SLC35F3: variants seen among roughly 807,000 people sequenced by gnomAD.
SLC35F3 encodes the protein putative thiamine transporter SLC35F3.
A neutral mutation model predicts 49.9 loss-of-function variants in SLC35F3; 25 were observed. That is an observed-to-expected ratio of 0.50 (90% CI 0.37 to 0.70). SLC35F3 has a LOEUF of 0.70. SLC35F3 is among the 30% of genes least tolerant of loss of function. SLC35F3 has a pLI of 0.00. For missense variants in SLC35F3, 525 were observed against 639.8 expected (o/e 0.82, Z 1.94); for synonymous variants, 275 against 265.4 (o/e 1.04, Z -0.35).
chr1:234,058,614 G>T (rs189035653), intron 2 of SLC35F3, among the ~76,000 whole-genome samples: 67 of 152,132 alleles, frequency 4.4e-4, no homozygotes, highest in Admixed American at 4.4e-3. Context: ...CAAAGTGTTG[G>T]GATAACAGGC....
chr1:234,124,904 G>A (rs1022371573), intron 2 of SLC35F3, among the ~76,000 whole-genome samples: 3 of 152,192 alleles, frequency 2.0e-5, no homozygotes, highest in Non-Finnish European at 4.4e-5. Flanking sequence ...TGGAGACTCT[G>A]TGTCTATGTG....
At chr1:233,955,385 C>T (rs561680951) in intron 2 of SLC35F3, among the ~76,000 whole-genome samples, 4 of 152,250 alleles carry the variant, frequency 2.6e-5, no homozygotes, top group South Asian at 2.1e-4. Flanking sequence ...AGCGTATGCC[C>T]CAATCTGGTG....
intron 2 of SLC35F3, among the ~76,000 whole-genome samples, chr1:234,170,868 A>C (rs532203433): frequency 1.3e-3 from 193 of 152,202 alleles, no homozygotes; most frequent in African/African-American, 4.4e-3. Context: ...TGCCGTGGGG[A>C]CAGTCGGCCC....
intron 2 of SLC35F3, among the ~76,000 whole-genome samples, chr1:234,197,085 G>C (rs78024307): frequency 0.083 from 12,699 of 152,244 alleles, 1,755 homozygotes; most frequent in African/African-American, 0.29. Flanking sequence ...GCATTTTAAA[G>C]GGTCTTGAGC....
At chr1:233,999,549 T>C (rs765195562) in intron 2 of SLC35F3, among the ~76,000 whole-genome samples, 1 of 152,176 alleles carries the variant, frequency 6.6e-6, no homozygotes, top group African/African-American at 2.4e-5. Flanking sequence ...TTTCAGCACA[T>C]GTTCAGCTTT....
intron 2 of SLC35F3, among the ~76,000 whole-genome samples, chr1:233,928,145 G>A (rs1042720369): frequency 6.6e-6 from 1 of 151,966 alleles, no homozygotes; most frequent in Non-Finnish European, 1.5e-5. Context: ...TTCCTCACAT[G>A]TTGCCAGCAA....
At chr1:234,093,567 A>C (rs1665075318) in intron 2 of SLC35F3, among the ~76,000 whole-genome samples, 1 of 152,236 alleles carries the variant, frequency 6.6e-6, no homozygotes, top group South Asian at 2.1e-4. Context: ...CCAACTGGAC[A>C]TGCAACAAAC....
chr1:234,272,080 C>T (rs191907126), intron 3 of SLC35F3, among the ~76,000 whole-genome samples: 30 of 152,280 alleles, frequency 2.0e-4, no homozygotes, highest in African/African-American at 6.7e-4. Context: ...GAGCCAAGAT[C>T]ATGCCATTGC....
chr1:233,946,839 G>A (rs568706046), intron 2 of SLC35F3, among the ~76,000 whole-genome samples: 9 of 152,340 alleles, frequency 5.9e-5, no homozygotes, highest in Non-Finnish European at 1.0e-4. Context: ...CTGTGTTCTA[G>A]TCATTTCTGC....
chr1:234,252,412 C>T (rs1342957258), intron 3 of SLC35F3, among the ~76,000 whole-genome samples: 1 of 151,446 alleles, frequency 6.6e-6, no homozygotes, highest in Non-Finnish European at 1.5e-5. Flanking sequence ...TACTGCTTGG[C>T]AAAAAATAAA....
intron 2 of SLC35F3, among the ~76,000 whole-genome samples, chr1:234,204,007 C>A (rs1666936379): frequency 6.6e-6 from 1 of 152,130 alleles, no homozygotes; most frequent in Non-Finnish European, 1.5e-5. Flanking sequence ...CAAATGCATG[C>A]CTTTTTTCCT....
At chr1:234,270,079 A>C (rs1007196914) in intron 3 of SLC35F3, among the ~76,000 whole-genome samples, 3 of 152,118 alleles carry the variant, frequency 2.0e-5, no homozygotes, top group African/African-American at 7.2e-5. Context: ...AAGCCCACAA[A>C]CCCATGCCCA....
At chr1:234,173,006 A>G (rs973011225) in intron 2 of SLC35F3, among the ~76,000 whole-genome samples, 1 of 152,168 alleles carries the variant, frequency 6.6e-6, no homozygotes, top group Non-Finnish European at 1.5e-5. Context: ...AACCCAGGAA[A>G]TTCTCATTGA....
intron 2 of SLC35F3, among the ~76,000 whole-genome samples, chr1:234,129,947 A>AG (rs1665710133): frequency 2.0e-5 from 3 of 152,220 alleles, no homozygotes; most frequent in African/African-American, 7.2e-5. Context: ...AAAAGCTAAT[A>AG]CTATAAAACC....
chr1:234,058,918 G>A (rs1175096428), intron 2 of SLC35F3, among the ~76,000 whole-genome samples: 1 of 151,854 alleles, frequency 6.6e-6, no homozygotes, highest in Non-Finnish European at 1.5e-5. Context: ...TGTCTTTCTG[G>A]CAATTTGTCC....
chr1:234,107,681 G>A (rs2102885321), intron 2 of SLC35F3, among the ~76,000 whole-genome samples: 1 of 152,040 alleles, frequency 6.6e-6, no homozygotes, highest in South Asian at 2.1e-4. Flanking sequence ...CTAACTAAAT[G>A]GCTTCAGTCC....
intron 3 of SLC35F3, among the ~76,000 whole-genome samples, chr1:234,268,257 A>G (rs1668033219): frequency 1.3e-5 from 2 of 152,204 alleles, no homozygotes; most frequent in Admixed American, 6.5e-5. Flanking sequence ...GCTGGAGACC[A>G]GCCCGGCCAA....
intron 2 of SLC35F3, among the ~76,000 whole-genome samples, chr1:234,040,781 A>G (rs1302034088): frequency 6.6e-6 from 1 of 152,230 alleles, no homozygotes; most frequent in Non-Finnish European, 1.5e-5. Flanking sequence ...AGACCTAAGG[A>G]GGGTCCGGCA....
intron 2 of SLC35F3, among the ~76,000 whole-genome samples, chr1:233,990,597 G>T (rs1000597719): frequency 4.0e-5 from 6 of 150,450 alleles, no homozygotes; most frequent in Admixed American, 6.7e-5. Context: ...TTTGCTAAGG[G>T]AGTAGATCTT....
Sources: gnomAD v4.1 joint callset for allele counts (sites outside exome capture counted in the v4.1 genomes callset) on GRCh38, gnomAD v4.1.1 for gene constraint, MANE v1.5 for transcripts, NCBI Gene and HGNC (gene_info 2026-07-23, HGNC 2026-07-21) for gene names.